Variants in SPI1 observed in about 807,000 individuals in gnomAD.
SPI1 encodes the protein transcription factor PU.1.
Under a neutral mutation model 30.7 loss-of-function variants are expected in SPI1, and 3 were observed. The ratio of observed to expected loss-of-function variants is 0.10; its 90% CI spans 0.04 to 0.25. The LOEUF (loss-of-function observed/expected upper bound fraction) is 0.25. Among genes scored for constraint, SPI1 ranks in the 10% least tolerant of loss-of-function variants. SPI1 has a pLI of 1.00. For synonymous variants in SPI1, 169 were observed against 157.1 expected, an observed-to-expected ratio of 1.08 and a Z score of -0.56; for missense variants, 261 against 371.5, an observed-to-expected ratio of 0.70 and a Z score of 2.45.
At chr11:47,370,876 G>A (rs2142894961) in intron 2 of SPI1, among the ~76,000 whole-genome samples, 1 of 151,468 alleles carries the variant, frequency 6.6e-6, no homozygotes, top group Middle Eastern at 3.4e-3. Context: ...GTGGAGAAAT[G>A]TGAGTGTGTG....
At chr11:47,373,351 C>CA (rs200117447) in intron 2 of SPI1, among the ~76,000 whole-genome samples, 24 of 129,310 alleles carry the variant, frequency 1.9e-4, no homozygotes, top group African/African-American at 5.9e-4. Context: ...GACTCCGTAT[C>CA]AAAAAAAAGG....
intron 2 of SPI1, among the ~76,000 whole-genome samples, chr11:47,368,816 T>C (rs894558729): frequency 1.3e-5 from 2 of 152,124 alleles, no homozygotes; most frequent in African/African-American, 4.8e-5. Context: ...TTTTGCAAGA[T>C]GAAAATAATT....
At chr11:47,368,052 C>T (rs992990606) in intron 2 of SPI1, among the ~76,000 whole-genome samples, 1 of 151,964 alleles carries the variant, frequency 6.6e-6, no homozygotes, top group African/African-American at 2.4e-5. Flanking sequence ...TGTGCCCGGC[C>T]GATGGTTTAA....
chr11:47,360,293 G>C (rs1459766925), intron 2 of SPI1, among the ~76,000 whole-genome samples: 1 of 152,142 alleles, frequency 6.6e-6, no homozygotes, highest in Non-Finnish European at 1.5e-5. Context: ...CAAAGCTCGT[G>C]TTCTCAGCAA....
intron 2 of SPI1, among the ~76,000 whole-genome samples, chr11:47,367,336 T>C (rs2095929759): frequency 6.6e-6 from 1 of 151,788 alleles, no homozygotes; most frequent in Non-Finnish European, 1.5e-5. Flanking sequence ...GGTGGATCAT[T>C]TTAGGTCAGG....
chr11:47,357,111 CCACT>C (rs2095911912), intron 4 of SPI1, among the ~76,000 whole-genome samples: 2 of 151,440 alleles, frequency 1.3e-5, no homozygotes, highest in African/African-American at 4.9e-5. Flanking sequence ...ACATTCACAC[CCACT>C]CACATGCTCA....
chr11:47,360,073 C>A, intron 2 of SPI1, 33 bp from the exon 3 acceptor site: 3 of 1,495,924 alleles, frequency 2.0e-6, no homozygotes, highest in Non-Finnish European at 1.8e-6. Context: ...ATGGGGTGAG[C>A]TCAGGGTTGG....
chr11:47,360,410 T>C (rs780973738), intron 2 of SPI1, among the ~76,000 whole-genome samples: 2 of 152,192 alleles, frequency 1.3e-5, no homozygotes, highest in African/African-American at 4.8e-5. Context: ...CTAACCTCAG[T>C]TGAGTTGCCT....
At chr11:47,377,380 A>G (rs1001240645) in intron 1 of SPI1, among the ~76,000 whole-genome samples, 1 of 151,638 alleles carries the variant, frequency 6.6e-6, no homozygotes, top group African/African-American at 2.4e-5. Flanking sequence ...AAGCCTCCTC[A>G]CTCCTGAGAG....
At chr11:47,361,328 C>T in intron 2 of SPI1, among the ~76,000 whole-genome samples, 1 of 152,098 alleles carries the variant, frequency 6.6e-6, no homozygotes, top group Non-Finnish European at 1.5e-5. Context: ...CTCTTCAAAG[C>T]CATGACCTTA....
At chr11:47,366,870 A>G (rs2095929074) in intron 2 of SPI1, among the ~76,000 whole-genome samples, 1 of 150,770 alleles carries the variant, frequency 6.6e-6, no homozygotes, top group Admixed American at 6.6e-5. Flanking sequence ...CTCAGAGAAC[A>G]GAGAACTGAA....
intron 2 of SPI1, among the ~76,000 whole-genome samples, chr11:47,363,957 G>A (rs112923021): frequency 0.023 from 1,934 of 85,298 alleles, 82 homozygotes; most frequent in African/African-American, 0.096. Context: ...AGCCAGACTC[G>A]GTCTCCAAAA....
At chr11:47,371,467 G>GAC (rs1275544878) in intron 2 of SPI1, among the ~76,000 whole-genome samples, 1 of 37,346 alleles carries the variant, frequency 2.7e-5, no homozygotes, top group Non-Finnish European at 5.7e-5. Context: ...AGGAGTTTGA[G>GAC]ACCAGCCTGG....
chr11:47,373,326 CG>C (rs1205748282), intron 2 of SPI1, among the ~76,000 whole-genome samples: 1 of 137,284 alleles, frequency 7.3e-6, no homozygotes, highest in Non-Finnish European at 1.6e-5. Flanking sequence ...CACACCAGCC[CG>C]GGCGACAGTA....
chr11:47,373,501 A>T (rs2095938509), intron 2 of SPI1, among the ~76,000 whole-genome samples: 1 of 151,186 alleles, frequency 6.6e-6, no homozygotes, highest in South Asian at 2.1e-4. Flanking sequence ...TACAAAAATT[A>T]GCCAGGCATG....
Position 47,355,256 on chromosome 11 carries a change from G to C in SPI1, c.784C>G (p.Leu262Val). Residue 262 changes from leucine (L) to valine (V), a missense_variant, in exon 5 of 5, where the codon CTG becomes GTG. Coordinates refer to ENST00000378538, the MANE Select transcript of SPI1 (RefSeq NM_003120.3). ...TGGGGCGGGTGGCGCCGCTCGGCCAGGCCCCCGCGGCCCAGCACTTCGCCG... is the reference window on the plus strand; with the variant it reads ...TGGGGCGGGTGGCGCCGCTCGGCCACGCCCCCGCGGCCCAGCACTTCGCCG... ...FSGEVLGRGGLAERRHPPH is the reference protein window; with the variant it reads ...FSGEVLGRGGVAERRHPPH The C allele has an allele frequency of 6.7e-7, 1 of 1,481,892 alleles. No individual in the cohort carries two copies. The highest frequency in any genetic ancestry group is 8.9e-7 in the Non-Finnish European group (1 of 1,117,862). 91.8% of individuals were successfully genotyped at this position (1,481,892 alleles called of 1,614,324 possible).
intron 4 of SPI1, 87 bp downstream of exon 4, chr11:47,358,757 G>C (rs751265180): frequency 2.2e-6 from 3 of 1,344,552 alleles, no homozygotes. Context: ...CGGTGGCGTG[G>C]CTGCTGGGTC....
At position 47,359,730 on chromosome 11, in the gene SPI1, C is replaced by G. The variant is rs940220556; in HGVS notation, c.330+123G>C. The G allele has an allele frequency of 1.8e-6, 2 of 1,119,746 alleles. No individual in the cohort carries two copies. Among genetic ancestry groups the G allele is most frequent in the Admixed American group, 2.2e-5 (1 of 44,494 alleles). 69.4% of individuals were successfully genotyped at this position (1,119,746 alleles called of 1,614,324 possible). A position where few individuals can be genotyped will look rare whatever the true frequency, so the allele number is the denominator to read the frequency against. On this transcript the variant is annotated intron_variant, in intron 3 of 4. Coordinates refer to ENST00000378538, the MANE Select transcript of SPI1 (RefSeq NM_003120.3). The surrounding 1 kb of genome is among the most constrained non-coding windows in gnomAD (Gnocchi z 5.1). ...CGGCAGCCGTTGGAGCTCCAGCCGC[C>G]GTTGGCACTGTGGGGCAGGAAGCTG...
rs558531149 is a variant in SPI1 at position 47,357,969 on chromosome 11, A to G, written c.493+875T>C. Among the ~76,000 whole-genome samples, 3 of 151,004 alleles carry G rather than the reference A, an allele frequency of 2.0e-5. No homozygotes were observed. In the South Asian group the frequency reaches 6.3e-4, roughly 32 times the overall value. On this transcript the variant is annotated intron_variant, in intron 4 of 4. Coordinates refer to ENST00000378538, the MANE Select transcript of SPI1 (RefSeq NM_003120.3). ...ACCTGCTCACACACGCAGGTGCTTA[A>G]GCACGTCCTCACCCCCCACACACAC... is the stretch of plus-strand genomic sequence containing the variant.
Sources: allele counts gnomAD v4.1 joint callset (sites outside exome capture counted in the v4.1 genomes callset), GRCh38; gene constraint gnomAD v4.1.1; non-coding constraint Gnocchi (gnomAD v3.1); transcripts MANE v1.5; gene names NCBI Gene and HGNC (gene_info 2026-07-23, HGNC 2026-07-21).